The following ZBTB20 variants were observed in gnomAD, a reference collection of about 807,000 sequenced individuals.
ZBTB20 encodes zinc finger and BTB domain containing 20.
A neutral mutation model predicts 56.9 loss-of-function variants in ZBTB20; 9 were observed. That is an observed-to-expected ratio of 0.16 (90% CI 0.10 to 0.28). The LOEUF (loss-of-function observed/expected upper bound fraction) is 0.28, where lower values mean the gene tolerates loss of function less well. Ranked by LOEUF, ZBTB20 falls within the 10% of genes least tolerant of loss-of-function variation. ZBTB20 has a pLI of 1.00. For synonymous variants in ZBTB20, 417 were observed against 420.7 expected (o/e 0.99, Z 0.11); for missense variants, 655 against 1,003.0 (o/e 0.65, Z 4.69).
chr3:114,916,966 G>C (rs887462290), intron 3 of ZBTB20, among the ~76,000 whole-genome samples: 4 of 152,038 alleles, frequency 2.6e-5, no homozygotes, highest in Non-Finnish European at 4.4e-5. Context: ...ACCGTCCTCA[G>C]AACAAACTTT....
At chr3:114,730,393 G>A (rs1482253955) in intron 5 of ZBTB20, among the ~76,000 whole-genome samples, 1 of 152,126 alleles carries the variant, frequency 6.6e-6, no homozygotes, top group Non-Finnish European at 1.5e-5. Flanking sequence ...CTTGGTCTTA[G>A]GAAACTAGGA....
chr3:114,603,623 G>C (rs1473188608), intron 6 of ZBTB20, among the ~76,000 whole-genome samples: 1 of 151,598 alleles, frequency 6.6e-6, no homozygotes, highest in African/African-American at 2.4e-5. Flanking sequence ...TTTTAAAAGT[G>C]GGAAAAACTT....
chr3:114,521,103 TAA>T (rs1331828588), intron 6 of ZBTB20, among the ~76,000 whole-genome samples: 1 of 152,178 alleles, frequency 6.6e-6, no homozygotes, highest in Non-Finnish European at 1.5e-5. Flanking sequence ...CTTTACCTGT[TAA>T]AAACACACAT....
chr3:114,785,428 T>C (rs1316923372), intron 5 of ZBTB20, among the ~76,000 whole-genome samples: 1 of 152,166 alleles, frequency 6.6e-6, no homozygotes, highest in East Asian at 1.9e-4. Flanking sequence ...ACACGGTAGC[T>C]GAAATAAAAT....
chr3:114,515,441 AG>A (rs2045872295), intron 6 of ZBTB20, among the ~76,000 whole-genome samples: 1 of 152,194 alleles, frequency 6.6e-6, no homozygotes, highest in African/African-American at 2.4e-5. Flanking sequence ...CTGGAGAAAA[AG>A]CACAAAACTG....
chr3:114,988,321 A>G (rs1021559176), intron 2 of ZBTB20, among the ~76,000 whole-genome samples: 9 of 142,224 alleles, frequency 6.3e-5, no homozygotes, highest in Admixed American at 4.7e-4. Flanking sequence ...TCATTGTTCA[A>G]TTCCCCACCT....
chr3:115,099,158 A>G (rs2108599667), intron 1 of ZBTB20, among the ~76,000 whole-genome samples: 1 of 152,314 alleles, frequency 6.6e-6, no homozygotes, highest in South Asian at 2.1e-4. Flanking sequence ...CCACTATAAA[A>G]AAGAAAAAAA....
intron 3 of ZBTB20, chr3:114,930,732 G>A (rs774520955): frequency 8.5e-6 from 2 of 236,382 alleles, no homozygotes; most frequent in Non-Finnish European, 1.8e-5. Context: ...TCATCTATGC[G>A]AATGGCACCA....
chr3:115,076,769 A>G (rs1007748023), intron 1 of ZBTB20, among the ~76,000 whole-genome samples: 2 of 152,218 alleles, frequency 1.3e-5, no homozygotes, highest in Non-Finnish European at 2.9e-5. Context: ...AATATCTACA[A>G]ACCTTATATC....
At chr3:114,841,521 C>T (rs903625192) in intron 4 of ZBTB20, among the ~76,000 whole-genome samples, 1 of 151,946 alleles carries the variant, frequency 6.6e-6, no homozygotes, top group Non-Finnish European at 1.5e-5. Flanking sequence ...TAAGATGGTA[C>T]CCTGGATGAG....
chr3:114,610,802 G>GT (rs780042202), intron 6 of ZBTB20, among the ~76,000 whole-genome samples: 9 of 152,268 alleles, frequency 5.9e-5, no homozygotes, highest in Admixed American at 2.0e-4. Flanking sequence ...GGAGCTATGG[G>GT]TAAGTAAGTA....
At chr3:114,496,738 GCAATT>G (rs1424208529) in intron 7 of ZBTB20, among the ~76,000 whole-genome samples, 1 of 152,198 alleles carries the variant, frequency 6.6e-6, no homozygotes, top group Non-Finnish European at 1.5e-5. Flanking sequence ...TGCATAAGTT[GCAATT>G]CAGTTCAATG....
intron 1 of ZBTB20, among the ~76,000 whole-genome samples, chr3:115,082,789 T>C (rs1376546546): frequency 2.0e-5 from 3 of 151,748 alleles, no homozygotes; most frequent in Non-Finnish European, 4.4e-5. Flanking sequence ...ACAGGAGAAA[T>C]ATACAGAAAT....
intron 6 of ZBTB20, among the ~76,000 whole-genome samples, chr3:114,592,130 A>G (rs773256494): frequency 5.3e-5 from 8 of 152,192 alleles, no homozygotes; most frequent in Non-Finnish European, 1.2e-4. Flanking sequence ...TCACTTCTAT[A>G]TCTCTCAATA....
intron 3 of ZBTB20, among the ~76,000 whole-genome samples, chr3:114,946,611 T>C (rs1463481678): frequency 1.4e-5 from 2 of 144,920 alleles, no homozygotes; most frequent in Non-Finnish European, 3.0e-5. Context: ...CTTGAAAAAA[T>C]TGATGAAACA....
At chr3:114,866,570 T>C (rs2075770760) in intron 4 of ZBTB20, among the ~76,000 whole-genome samples, 1 of 151,566 alleles carries the variant, frequency 6.6e-6, no homozygotes, top group South Asian at 2.1e-4. Flanking sequence ...CTGGATGAGA[T>C]TAACATTTGA....
intron 10 of ZBTB20, among the ~76,000 whole-genome samples, chr3:114,363,728 T>C (rs370814013): frequency 5.3e-5 from 8 of 152,334 alleles, no homozygotes; most frequent in African/African-American, 1.7e-4. Context: ...CACAGTTGTA[T>C]ATGACTTGTT....
Position 114,374,004 on chromosome 3 carries a change from A to C in ZBTB20, c.199+6213T>G, listed in dbSNP as rs2083324656. The stretch of plus-strand genomic sequence containing the variant: ...AATAAGTGTGTCCCCAAATGCACAA[A>C]GTGGAAACTCTAGGAAATTAGAGCA... On this transcript the variant is annotated intron_variant, in intron 10 of 11. Transcript: ENST00000675478. Among the ~76,000 whole-genome samples the C allele has an allele frequency of 3.9e-5, 6 of 152,348 alleles. No homozygotes were observed. The South Asian group carries it at 1.2e-3, about 32-fold the overall frequency.
At chr3:114,582,080 G>A (rs749308878) in intron 6 of ZBTB20, 17 of 152,130 alleles carry the variant, frequency 1.1e-4, no homozygotes, top group Non-Finnish European at 2.4e-4. Context: ...AATTCATGAT[G>A]ATAGAGGTTA....
Sources: gnomAD v4.1 joint callset for allele counts (sites outside exome capture counted in the v4.1 genomes callset) on GRCh38, gnomAD v4.1.1 for gene constraint, MANE v1.5 for transcripts, NCBI Gene and HGNC (gene_info 2026-07-23, HGNC 2026-07-21) for gene names.